Variants in CLU observed in about 807,000 individuals in gnomAD.
CLU encodes the protein clusterin, also known as aging-associated protein 4.
Under a neutral mutation model 46.4 loss-of-function variants are expected in CLU, and 25 were observed. The observed-to-expected ratio is 0.54, with a 90% CI of 0.39 to 0.75. The LOEUF is 0.75. Ranked by LOEUF, CLU falls within the 30% of genes least tolerant of loss-of-function variation. The pLI is 0.00. For synonymous variants in CLU, 235 were observed against 235.1 expected (o/e 1.00, Z 0.00); for missense variants, 504 against 592.1 (o/e 0.85, Z 1.54).
intron 6 of CLU, among the ~76,000 whole-genome samples, chr8:27,602,395 G>A (rs765806458): frequency 2.0e-5 from 3 of 152,056 alleles, no homozygotes; most frequent in Non-Finnish European, 4.4e-5. Context: ...TTGAGCCCAG[G>A]AGTTAGAGAC....
chr8:27,598,675 T>G (rs1429446311), intron 7 of CLU, 40 bp from the exon 8 acceptor site: 1 of 1,593,194 alleles, frequency 6.3e-7, no homozygotes, highest in East Asian at 2.2e-5. Flanking sequence ...TGAAACACTG[T>G]GGTCAAAATG....
Position 27,599,490 on chromosome 8 carries a change from C to A in CLU, c.1164+290G>T, listed in dbSNP as rs1370247461. 7 of 433,076 alleles carry A rather than the reference C, an allele frequency of 1.6e-5. No homozygotes were observed. The East Asian group carries it at 3.2e-4, about 20-fold the overall frequency. The allele number at this position is 433,076 out of a possible 1,614,324, so 26.8% of individuals were successfully genotyped here. On this transcript the variant is annotated intron_variant, in intron 7 of 8. Transcript: ENST00000316403. The surrounding 1 kb of genome is among the most constrained non-coding windows in gnomAD (Gnocchi z 4.0). ...GATTTGTGCACCAAAACAAAAACAA[C>A]AACAACAAAATACAGGCTTGGCAGC...
At chr8:27,611,737 A>T (rs987431983) in intron 1 of CLU, 5 of 457,600 alleles carry the variant, frequency 1.1e-5, no homozygotes, top group African/African-American at 8.0e-5. Context: ...CATGAGAAGT[A>T]ATCAGGCGCA....
chr8:27,605,327 C>A lies in CLU; in HGVS notation c.426G>T (p.Glu142Asp), dbSNP rs1370597528. 1 of 1,614,182 alleles carries A rather than the reference C, an allele frequency of 6.2e-7. No individual in the cohort carries two copies. Among genetic ancestry groups the A allele is most frequent in the Non-Finnish European group, 8.5e-7 (1 of 1,180,026 alleles). Residue 142 changes from glutamate (E) to aspartate (D), a missense_variant, in exon 5 of 9, where the codon GAG becomes GAT. Transcript: ENST00000316403. The part of the protein sequence containing the change: ...GSGLVGRQLE[E>D]FLNQSSPFYF... ...AGAAGGGCGAGCTCTGGTTCAGGAA[C>A]TCCTCAAGCTGGGACAGCCAGCATG... is the stretch of plus-strand genomic sequence containing the variant.
rs1454555743 is a variant in CLU, at chr8:27,598,446, G to C, written c.1340+14C>G. On this transcript the variant is annotated intron_variant, in intron 8 of 8. Coordinates refer to ENST00000316403, the MANE Select transcript of CLU (RefSeq NM_001831.4). The stretch of plus-strand genomic sequence containing the variant: ...TGGGCCCTGCAGGCCCGCAGGAAAG[G>C]CCCGCCTGCTTACCGGTGCTTTTTG... 1.9e-6 allele frequency: 3 copies of C among 1,613,708 alleles called. No individual in the cohort carries two copies. Among genetic ancestry groups the C allele is most frequent in the African/African-American group, 2.7e-5 (2 of 74,896 alleles).
At chr8:27,604,046 C>G (rs954494986) in intron 6 of CLU, among the ~76,000 whole-genome samples, 3 of 152,182 alleles carry the variant, frequency 2.0e-5, no homozygotes, top group African/African-American at 7.2e-5. Context: ...GTGGAGGGCA[C>G]TTTTGCATCT....
intron 1 of CLU, among the ~76,000 whole-genome samples, chr8:27,613,085 C>A (rs1800958602): frequency 6.6e-6 from 1 of 152,054 alleles, no homozygotes; most frequent in South Asian, 2.1e-4. Flanking sequence ...GGGCTGGAGG[C>A]TTAAGAAAAT....
intron 3 of CLU, among the ~76,000 whole-genome samples, chr8:27,607,741 A>C (rs2128909623): frequency 9.3e-6 from 1 of 107,322 alleles, no homozygotes; most frequent in Admixed American, 9.8e-5. Context: ...TGAGTGTGTT[A>C]GTCTTCAAAA....
In CLU at chr8:27,597,806, T is replaced by A. The variant is rs1280231752; in HGVS notation, c.*435A>T. ...GAAAGCAAGCAATTCTTGAAGTGGA[T>A]CAACCTTGTCATCATATCCCTTTTA... is the stretch of plus-strand genomic sequence containing the variant. On this transcript the variant is annotated 3_prime_UTR_variant, in exon 9 of 9. Transcript: ENST00000316403. 2 of 460,550 alleles carry A rather than the reference T, an allele frequency of 4.3e-6. No individual in the cohort carries two copies. The highest frequency in any genetic ancestry group is 8.6e-6 in the Non-Finnish European group (2 of 231,412). 28.5% of individuals were successfully genotyped at this position (460,550 alleles called of 1,614,324 possible).
chr8:27,606,670 G>T, intron 3 of CLU, 146 bp from the exon 4 acceptor site: 1 of 890,676 alleles, frequency 1.1e-6, no homozygotes. Flanking sequence ...CCTTGCTCCA[G>T]TTCAAGCTTC....
In CLU at chr8:27,598,141, T is replaced by C; in HGVS notation, c.*100A>G. 7.9e-7 allele frequency: 1 copy of C among 1,268,400 alleles called. No homozygotes were observed. The highest frequency in any genetic ancestry group is 1.2e-5 in the South Asian group (1 of 81,586). 78.6% of individuals were successfully genotyped at this position (1,268,400 alleles called of 1,614,324 possible). ...TGGGGGCCTGGAGGCTGGGGCCTGGTTACTTGGTGACGTGCAGAGCTCTCT... is the reference window on the plus strand; with the variant it reads ...TGGGGGCCTGGAGGCTGGGGCCTGGCTACTTGGTGACGTGCAGAGCTCTCT... On this transcript the variant is annotated 3_prime_UTR_variant, in exon 9 of 9. Coordinates refer to ENST00000316403, the MANE Select transcript of CLU (RefSeq NM_001831.4).
chr8:27,607,252 G>A (rs1392391837), intron 3 of CLU, among the ~76,000 whole-genome samples: 2 of 152,020 alleles, frequency 1.3e-5, no homozygotes, highest in Non-Finnish European at 2.9e-5. Context: ...CAGGAGAATC[G>A]CTTGAACCTG....
chr8:27,597,283 C>G lies in CLU; in HGVS notation c.*958G>C, dbSNP rs1025191221. 4.4e-6 allele frequency: 2 copies of G among 454,488 alleles called. No homozygotes were observed. The highest frequency in any genetic ancestry group is 8.8e-6 in the Non-Finnish European group (2 of 226,788). The allele number at this position is 454,488 out of a possible 1,614,324, so 28.2% of individuals were successfully genotyped here. On this transcript the variant is annotated 3_prime_UTR_variant, in exon 9 of 9. Coordinates refer to ENST00000316403, the MANE Select transcript of CLU (RefSeq NM_001831.4). ...CAGAGAATGTTAATGAACGAAAAGC[C>G]TGAGCTTTAAGACTGAGATTGGTAC...
intron 3 of CLU, 96 bp from the exon 4 acceptor site, chr8:27,606,620 G>A (rs937434878): frequency 7.2e-5 from 107 of 1,487,100 alleles, no homozygotes; most frequent in Non-Finnish European, 9.3e-5. Context: ...CCCAGGGCAG[G>A]CCTTCCCATA....
At chr8:27,604,183 C>A in intron 6 of CLU, 108 bp downstream of exon 6, 1 of 871,208 alleles carries the variant, frequency 1.1e-6, no homozygotes, top group South Asian at 1.4e-5. Flanking sequence ...GAGCTGGAAT[C>A]CAAACGCTTA....
intron 6 of CLU, among the ~76,000 whole-genome samples, chr8:27,602,064 C>G (rs2069782036): frequency 6.6e-6 from 1 of 152,134 alleles, no homozygotes; most frequent in Admixed American, 6.5e-5. Context: ...ACGCTCCAGC[C>G]TGGGTGATAG....
chr8:27,608,996 G>GT lies in CLU; in HGVS notation c.187dup (p.Thr63AsnfsTer25), dbSNP rs747368775. 1 of 1,614,074 alleles carries GT rather than the reference G, an allele frequency of 6.2e-7. No individual in the cohort carries two copies. Among genetic ancestry groups the GT allele is most frequent in the East Asian group, 2.2e-5 (1 of 44,902 alleles). The stretch of plus-strand genomic sequence containing the variant: ...GAGCAGTGTCTTGCGCTCTTCGTTT[G>GT]TTTTTTCTATGAGAGTCTTTATCTG... On this transcript the variant is annotated frameshift_variant, in exon 3 of 9. Transcript: ENST00000316403. LOFTEE classifies it high-confidence loss of function.
In CLU at chr8:27,599,840, C is replaced by T. The variant is rs1318045438; in HGVS notation, c.1104G>A (p.Trp368Ter). The T allele has an allele frequency of 6.2e-7, 1 of 1,614,082 alleles. No individual in the cohort carries two copies. Among genetic ancestry groups the T allele is most frequent in the Admixed American group, 1.7e-5 (1 of 60,010 alleles). ...LLEQLNEQFN[W>*]VSRLANLTQG... ...GCGTGAGGTTTGCCAGCCGGGACAC[C>T]CAGTTAAACTGCTCGTTCAGCTGCT... Residue 368 changes from tryptophan to a stop codon, truncating the protein, a stop_gained, in exon 7 of 9, where the codon TGG becomes TGA. Transcript: ENST00000316403. LOFTEE classifies it high-confidence loss of function. The surrounding 1 kb of genome is among the most constrained non-coding windows in gnomAD (Gnocchi z 4.0).
intron 1 of CLU, chr8:27,611,018 C>A (rs774963393): frequency 2.7e-6 from 1 of 368,402 alleles, no homozygotes; most frequent in Non-Finnish European, 5.4e-6. Context: ...CCTCCCCATG[C>A]CACCTCCACA....
Sources: allele counts gnomAD v4.1 joint callset (sites outside exome capture counted in the v4.1 genomes callset), GRCh38; gene constraint gnomAD v4.1.1; non-coding constraint Gnocchi (gnomAD v3.1); transcripts MANE v1.5; gene names NCBI Gene and HGNC (gene_info 2026-07-23, HGNC 2026-07-21).